The following TBC1D4 variants were observed in gnomAD, a reference collection of about 807,000 sequenced individuals.
The protein encoded by TBC1D4 is TBC1 domain family member 4.
Under a neutral mutation model 142.5 loss-of-function variants are expected in TBC1D4, and 121 were observed. The ratio of observed to expected loss-of-function variants is 0.85; its 90% CI spans 0.73 to 0.99. The LOEUF is 0.99. Among genes scored for constraint, TBC1D4 ranks in the 50% least tolerant of loss-of-function variants. The probability of loss-of-function intolerance (pLI) is 0.00; values close to 1 mark genes in which losing one functional copy is unlikely to be tolerated. For synonymous variants in TBC1D4, 630 were observed against 628.2 expected, an observed-to-expected ratio of 1.00 and a Z score of -0.04; for missense variants, 1,475 against 1,606.6, an observed-to-expected ratio of 0.92 and a Z score of 1.40.
intron 1 of TBC1D4, among the ~76,000 whole-genome samples, chr13:75,391,742 A>G (rs900434156): frequency 2.0e-5 from 3 of 152,038 alleles, no homozygotes; most frequent in Non-Finnish European, 2.9e-5. Flanking sequence ...AAGACCCTGC[A>G]CCATCTGATG....
At chr13:75,311,479 C>G (rs927356168) in intron 13 of TBC1D4, among the ~76,000 whole-genome samples, 2 of 151,928 alleles carry the variant, frequency 1.3e-5, no homozygotes, top group African/African-American at 2.4e-5. Context: ...TACTTCCATA[C>G]GTTTTACTGT....
chr13:75,372,126 C>T (rs1336340049), intron 1 of TBC1D4, among the ~76,000 whole-genome samples: 2 of 152,118 alleles, frequency 1.3e-5, no homozygotes, highest in South Asian at 2.1e-4. Context: ...AAATAAAGAA[C>T]GTTCTTTATT....
chr13:75,449,805 G>A (rs1236464241), intron 1 of TBC1D4, among the ~76,000 whole-genome samples: 2 of 152,036 alleles, frequency 1.3e-5, no homozygotes, highest in African/African-American at 2.4e-5. Context: ...GGCTGGTCTT[G>A]AACTCCTGAC....
At chr13:75,328,388 C>T (rs1012278) in intron 8 of TBC1D4, among the ~76,000 whole-genome samples, 111,749 of 152,088 alleles carry the variant, frequency 0.73, 44,340 homozygotes, top group South Asian at 0.93. Flanking sequence ...TGCTTCAATA[C>T]TGGTGAATTG....
intron 4 of TBC1D4, among the ~76,000 whole-genome samples, chr13:75,349,735 A>T (rs1379384849): frequency 6.6e-6 from 1 of 152,184 alleles, no homozygotes; most frequent in Non-Finnish European, 1.5e-5. Flanking sequence ...ACTTTTCTGG[A>T]TTACTTTTAG....
intron 1 of TBC1D4, among the ~76,000 whole-genome samples, chr13:75,445,069 G>A (rs1457430089): frequency 6.6e-6 from 1 of 152,110 alleles, no homozygotes; most frequent in Non-Finnish European, 1.5e-5. Flanking sequence ...GAAGAGTCAA[G>A]TGTTAGCCCC....
chr13:75,438,505 C>T (rs1300496621), intron 1 of TBC1D4, among the ~76,000 whole-genome samples: 1 of 152,130 alleles, frequency 6.6e-6, no homozygotes, highest in Non-Finnish European at 1.5e-5. Context: ...CTCTAAAGCA[C>T]TTGGAAGTCA....
intron 5 of TBC1D4, among the ~76,000 whole-genome samples, 186 bp from the exon 6 acceptor site, chr13:75,341,773 C>G (rs1414413786): frequency 6.6e-6 from 1 of 152,206 alleles, no homozygotes; most frequent in South Asian, 2.1e-4. Context: ...GATGAAAAAC[C>G]TCTCCACCAA....
intron 4 of TBC1D4, among the ~76,000 whole-genome samples, chr13:75,350,765 CT>C (rs1881526142): frequency 2.0e-5 from 3 of 152,032 alleles, no homozygotes; most frequent in African/African-American, 7.2e-5. Context: ...TAAAAGGTAT[CT>C]AGTAGAAATA....
At chr13:75,453,249 C>T (rs1360822460) in intron 1 of TBC1D4, among the ~76,000 whole-genome samples, 1 of 151,906 alleles carries the variant, frequency 6.6e-6, no homozygotes, top group Admixed American at 6.6e-5. Context: ...CTGAGCAGCA[C>T]ATTAGAGTTT....
intron 8 of TBC1D4, 107 bp downstream of exon 8, chr13:75,336,814 T>G (rs9573525): frequency 0.44 from 575,978 of 1,310,494 alleles, 133,478 homozygotes; most frequent in East Asian, 0.64. Flanking sequence ...AGGTTTTTTT[T>G]TTGTTTGTTT....
intron 17 of TBC1D4, among the ~76,000 whole-genome samples, chr13:75,298,679 G>A (rs1876202613): frequency 6.6e-6 from 1 of 152,148 alleles, no homozygotes; most frequent in East Asian, 1.9e-4. Context: ...CTTGAACCCG[G>A]GAGGCAGAGA....
Position 75,449,587 on chromosome 13 carries a change from GT to G in TBC1D4, c.498+31682del, listed in dbSNP as rs756670676. ...CACACACACAGTTTTAACATACATA[GT>G]TTTTTTTTTTTTTTTGAGATGGAGT... is the stretch of plus-strand genomic sequence containing the variant. On this transcript the variant is annotated intron_variant, in intron 1 of 20. Coordinates refer to ENST00000377636, the MANE Select transcript of TBC1D4 (RefSeq NM_014832.5). Among the ~76,000 whole-genome samples the G allele has an allele frequency of 8.2e-3, 1,132 of 137,904 alleles. 9 individuals are homozygous for G. Among genetic ancestry groups the G allele is most frequent in the African/African-American group, 0.024 (920 of 38,018 alleles). 90.5% of individuals were successfully genotyped at this position (137,904 alleles called of 152,430 possible). A position where few individuals can be genotyped will look rare whatever the true frequency, so the allele number is the denominator to read the frequency against.
At chr13:75,309,868 G>T in intron 14 of TBC1D4, 74 bp downstream of exon 14, 1 of 1,458,154 alleles carries the variant, frequency 6.9e-7, no homozygotes, top group East Asian at 2.3e-5. Flanking sequence ...AGTATGTATG[G>T]GGAGAGAAAG....
intron 1 of TBC1D4, among the ~76,000 whole-genome samples, chr13:75,469,049 G>A (rs1888284336): frequency 6.6e-6 from 1 of 152,208 alleles, no homozygotes; most frequent in South Asian, 2.1e-4. Flanking sequence ...ATCTGAGGAA[G>A]TGACATTTGC....
chr13:75,315,306 C>T (rs1034528388), intron 12 of TBC1D4, among the ~76,000 whole-genome samples: 35 of 146,182 alleles, frequency 2.4e-4, no homozygotes, highest in Admixed American at 2.1e-3. Context: ...AGACTCTGTC[C>T]CAAAAAACAA....
chr13:75,333,192 TAA>T (rs1304370590), intron 8 of TBC1D4, among the ~76,000 whole-genome samples: 2 of 152,180 alleles, frequency 1.3e-5, no homozygotes, highest in African/African-American at 4.8e-5. Flanking sequence ...CAAGAGACTT[TAA>T]AAAGTCATCA....
chr13:75,410,935 C>CAAAAAAAAAAAA (rs60172018), intron 1 of TBC1D4, among the ~76,000 whole-genome samples: 1 of 63,236 alleles, frequency 1.6e-5, no homozygotes, highest in African/African-American at 6.6e-5. Context: ...GACTCCGTCT[C>CAAAAAAAAAAAA]AAAAAAAAAA....
intron 4 of TBC1D4, among the ~76,000 whole-genome samples, chr13:75,354,002 G>A (rs1881830511): frequency 6.6e-6 from 1 of 152,164 alleles, no homozygotes; most frequent in Admixed American, 6.5e-5. Context: ...TCTCACTCAA[G>A]TCCTTAGGTC....
Sources: allele counts gnomAD v4.1 joint callset (sites outside exome capture counted in the v4.1 genomes callset), GRCh38; gene constraint gnomAD v4.1.1; transcripts MANE v1.5; gene names NCBI Gene and HGNC (gene_info 2026-07-23, HGNC 2026-07-21).